TTC28: variants seen among roughly 807,000 people sequenced by gnomAD.
The protein encoded by TTC28 is tetratricopeptide repeat domain 28, also known as tetratricopeptide repeat protein 28.
Under a neutral mutation model 198.0 loss-of-function variants are expected in TTC28, and 61 were observed. The ratio of observed to expected loss-of-function variants is 0.31; its 90% CI spans 0.25 to 0.38. The LOEUF is 0.38. Among genes scored for constraint, TTC28 ranks in the 10% least tolerant of loss-of-function variants. The pLI, the probability that TTC28 is intolerant of heterozygous loss-of-function variation, is 1.00. For synonymous variants in TTC28, 1,171 were observed against 1,297.8 expected, an observed-to-expected ratio of 0.90 and a Z score of 2.10; for missense variants, 2,678 against 3,164.0, an observed-to-expected ratio of 0.85 and a Z score of 3.69.
At chr22:28,012,284 G>A (rs767414918) in intron 14 of TTC28, among the ~76,000 whole-genome samples, 3 of 152,188 alleles carry the variant, frequency 2.0e-5, no homozygotes, top group African/African-American at 7.2e-5. Context: ...TTAAAAGGAG[G>A]ACGCAGGAGA....
intron 12 of TTC28, among the ~76,000 whole-genome samples, chr22:28,041,802 C>T (rs1411470365): frequency 6.6e-6 from 1 of 151,248 alleles, no homozygotes; most frequent in Non-Finnish European, 1.5e-5. Flanking sequence ...AGGTAACCTA[C>T]AGAATGGGAG....
At chr22:28,184,837 A>G (rs1924043713) in intron 5 of TTC28, among the ~76,000 whole-genome samples, 2 of 152,124 alleles carry the variant, frequency 1.3e-5, no homozygotes, top group Admixed American at 1.3e-4. Flanking sequence ...TGATTCATGT[A>G]TATTCTATTT....
At chr22:28,317,120 T>A (rs2045365311) in intron 2 of TTC28, among the ~76,000 whole-genome samples, 2 of 152,154 alleles carry the variant, frequency 1.3e-5, no homozygotes, top group South Asian at 4.1e-4. Context: ...TTCATTTTTA[T>A]ATCTTTTATT....
chr22:28,214,697 G>A (rs544224453), intron 5 of TTC28, among the ~76,000 whole-genome samples: 38 of 152,202 alleles, frequency 2.5e-4, no homozygotes, highest in Non-Finnish European at 4.6e-4. Context: ...CTGTAAACTA[G>A]TTCAACCATT....
At chr22:28,541,856 A>G (rs2049419049) in intron 2 of TTC28, among the ~76,000 whole-genome samples, 1 of 152,142 alleles carries the variant, frequency 6.6e-6, no homozygotes, top group Non-Finnish European at 1.5e-5. Flanking sequence ...TGGGAGGTCA[A>G]AGCAAGATGA....
Position 28,122,944 on chromosome 22 carries a change from C to T in TTC28, c.1442-14541G>A, listed in dbSNP as rs978761904. Among the ~76,000 whole-genome samples the T allele has an allele frequency of 3.9e-5, 6 of 152,310 alleles. No homozygotes were observed. The East Asian group carries it at 1.2e-3, about 29-fold the overall frequency. On this transcript the variant is annotated intron_variant, in intron 6 of 22. Transcript: ENST00000397906. ...TGGGACAGAACCACACCAGTTATGG[C>T]TTTTGGTTGTATTACACTGGACAAG...
At chr22:28,147,457 A>G (rs1314045652) in intron 6 of TTC28, among the ~76,000 whole-genome samples, 3 of 152,202 alleles carry the variant, frequency 2.0e-5, no homozygotes, top group African/African-American at 4.8e-5. Flanking sequence ...GAAATGCTCA[A>G]TTTCCAGTTA....
chr22:28,615,304 A>G (rs1023696460), intron 2 of TTC28, among the ~76,000 whole-genome samples: 1 of 152,150 alleles, frequency 6.6e-6, no homozygotes, highest in Non-Finnish European at 1.5e-5. Context: ...GAAACAACAG[A>G]TGCTGGAGAG....
chr22:28,247,143 G>A (rs575256471), intron 5 of TTC28, among the ~76,000 whole-genome samples: 9 of 152,222 alleles, frequency 5.9e-5, no homozygotes, highest in African/African-American at 1.9e-4. Flanking sequence ...TAGATGATGC[G>A]GCTGCTGGGT....
intron 5 of TTC28, among the ~76,000 whole-genome samples, chr22:28,196,294 G>GTTATTAATAATAATTCAATT: frequency 6.6e-6 from 1 of 151,866 alleles, no homozygotes; most frequent in South Asian, 2.1e-4. Flanking sequence ...ATTCAAGATG[G>GTTATTAATAATAATTCAATT]GATAAAAGAC....
intron 14 of TTC28, among the ~76,000 whole-genome samples, chr22:28,011,674 C>T (rs952029618): frequency 4.6e-5 from 7 of 152,180 alleles, no homozygotes; most frequent in Admixed American, 3.9e-4. Context: ...CTGATTGTCT[C>T]AGGTACCATA....
chr22:28,008,059 T>G (rs1052486493), intron 14 of TTC28: 1 of 152,198 alleles, frequency 6.6e-6, no homozygotes, highest in African/African-American at 2.4e-5. Context: ...TAGGTCTGAT[T>G]GTTTCTAAGG....
intron 12 of TTC28, among the ~76,000 whole-genome samples, chr22:28,083,911 T>C (rs557469659): frequency 5.3e-5 from 8 of 152,344 alleles, no homozygotes; most frequent in Non-Finnish European, 1.0e-4. Flanking sequence ...GCCTCGCTCA[T>C]TGCTAGCACA....
At chr22:28,081,325 T>C (rs1416783004) in intron 12 of TTC28, among the ~76,000 whole-genome samples, 1 of 151,412 alleles carries the variant, frequency 6.6e-6, no homozygotes, top group Non-Finnish European at 1.5e-5. Context: ...GGATTACAAG[T>C]GCATGCCACC....
intron 6 of TTC28, among the ~76,000 whole-genome samples, chr22:28,125,054 A>G (rs923193507): frequency 1.3e-5 from 2 of 152,228 alleles, no homozygotes; most frequent in African/African-American, 4.8e-5. Flanking sequence ...ATGATGACTG[A>G]GTGTTACATA....
At chr22:28,140,993 T>C (rs1943318628) in intron 6 of TTC28, among the ~76,000 whole-genome samples, 1 of 149,412 alleles carries the variant, frequency 6.7e-6, no homozygotes, top group African/African-American at 2.5e-5. Flanking sequence ...GAGTGATAAT[T>C]AATATCAAAT....
intron 2 of TTC28, among the ~76,000 whole-genome samples, chr22:28,336,374 C>T (rs1436209682): frequency 6.6e-6 from 1 of 152,062 alleles, no homozygotes; most frequent in African/African-American, 2.4e-5. Flanking sequence ...GGGAGGATTC[C>T]CTCTTTTTCT....
At chr22:28,245,886 G>C (rs1469444512) in intron 5 of TTC28, among the ~76,000 whole-genome samples, 2 of 152,158 alleles carry the variant, frequency 1.3e-5, no homozygotes, top group Non-Finnish European at 2.9e-5. Flanking sequence ...TGCAATCAAA[G>C]AGTGACAGTA....
chr22:28,042,026 T>A (rs1434357677), intron 12 of TTC28, among the ~76,000 whole-genome samples: 2 of 151,930 alleles, frequency 1.3e-5, no homozygotes, highest in Non-Finnish European at 2.9e-5. Flanking sequence ...AAAACCACAA[T>A]GAGATACCAT....
Sources: gnomAD v4.1 joint callset for allele counts (sites outside exome capture counted in the v4.1 genomes callset) on GRCh38, gnomAD v4.1.1 for gene constraint, MANE v1.5 for transcripts, NCBI Gene and HGNC (gene_info 2026-07-23, HGNC 2026-07-21) for gene names.